CATSPERE: variants seen among roughly 807,000 people sequenced by gnomAD.
CATSPERE encodes cation channel sperm-associated auxiliary subunit epsilon.
In CATSPERE, 93 loss-of-function variants were observed where a neutral mutation model predicts 114.1. The ratio of observed to expected loss-of-function variants is 0.81; its 90% confidence interval spans 0.69 to 0.97. CATSPERE has a LOEUF of 0.97. CATSPERE is among the 50% of genes least tolerant of loss of function. CATSPERE has a pLI of 0.00. For synonymous variants in CATSPERE, 341 were observed against 384.1 expected (o/e 0.89, Z 1.31); for missense variants, 1,058 against 1,131.6 (o/e 0.93, Z 0.93).
At chr1:244,563,098 T>A (rs1572768061) in intron 10 of CATSPERE, among the ~76,000 whole-genome samples, 1 of 152,226 alleles carries the variant, frequency 6.6e-6, no homozygotes, top group Non-Finnish European at 1.5e-5. Context: ...TATTCCATGG[T>A]GTATATGTGC....
intron 6 of CATSPERE, among the ~76,000 whole-genome samples, chr1:244,498,166 T>A (rs949141656): frequency 2.0e-5 from 3 of 152,172 alleles, no homozygotes; most frequent in Non-Finnish European, 2.9e-5. Context: ...CCTCCATAAT[T>A]TAGAATAACA....
intron 6 of CATSPERE, among the ~76,000 whole-genome samples, chr1:244,493,080 A>G (rs1672495562): frequency 6.6e-6 from 1 of 151,310 alleles, no homozygotes; most frequent in East Asian, 1.9e-4. Context: ...TTCTTCACAG[A>G]ATTGGAAAAA....
intron 14 of CATSPERE, among the ~76,000 whole-genome samples, chr1:244,588,859 T>C (rs182740887): frequency 4.6e-5 from 7 of 152,266 alleles, no homozygotes; most frequent in African/African-American, 1.4e-4. Flanking sequence ...CCCAGAAAAA[T>C]AGGAGGGAGA....
At chr1:244,477,799 C>A in intron 3 of CATSPERE, 107 bp from the exon 4 acceptor site, 1 of 990,728 alleles carries the variant, frequency 1.0e-6, no homozygotes, top group Non-Finnish European at 1.5e-6. Context: ...TTAAAAATAT[C>A]TCTTATCAGC....
intron 19 of CATSPERE, among the ~76,000 whole-genome samples, chr1:244,612,101 T>TG (rs1318247714): frequency 6.6e-6 from 1 of 152,130 alleles, no homozygotes; most frequent in Non-Finnish European, 1.5e-5. Flanking sequence ...CGCCAGGCCC[T>TG]GCGTGTTCCA....
intron 21 of CATSPERE, among the ~76,000 whole-genome samples, chr1:244,638,054 A>G (rs541404974): frequency 6.6e-6 from 1 of 152,162 alleles, no homozygotes; most frequent in East Asian, 1.9e-4. Flanking sequence ...CAAATGAATT[A>G]TTCCTTCTCT....
intron 9 of CATSPERE, among the ~76,000 whole-genome samples, chr1:244,553,741 A>T (rs191883883): frequency 6.3e-4 from 95 of 151,954 alleles, no homozygotes; most frequent in Admixed American, 1.7e-3. Flanking sequence ...ACTGTATGTT[A>T]GTTAGATATA....
At chr1:244,505,836 C>G (rs1674737621) in intron 7 of CATSPERE, among the ~76,000 whole-genome samples, 1 of 151,996 alleles carries the variant, frequency 6.6e-6, no homozygotes. Flanking sequence ...GAAAGCCCAT[C>G]TCTACTAAAA....
upstream of CATSPERE, among the ~76,000 whole-genome samples, chr1:244,452,438 T>C (rs1665687695): frequency 6.6e-6 from 1 of 152,180 alleles, no homozygotes; most frequent in Non-Finnish European, 1.5e-5. Context: ...AAGTGTAGAA[T>C]TGGAAATTAA....
At chr1:244,588,592 C>T (rs761881798) in intron 14 of CATSPERE, 58 bp downstream of exon 14, 12 of 1,301,768 alleles carry the variant, frequency 9.2e-6, no homozygotes, top group South Asian at 5.9e-5. Context: ...AAATGGTAAA[C>T]TAAGTGATAA....
intron 6 of CATSPERE, among the ~76,000 whole-genome samples, chr1:244,495,860 A>C (rs1162101131): frequency 1.3e-5 from 2 of 152,234 alleles, no homozygotes; most frequent in South Asian, 4.1e-4. Context: ...ATAAGGGATT[A>C]CCCAGATTTC....
intron 6 of CATSPERE, among the ~76,000 whole-genome samples, chr1:244,494,427 G>T (rs1405421288): frequency 7.8e-6 from 1 of 128,208 alleles, no homozygotes; most frequent in East Asian, 2.4e-4. Flanking sequence ...ACAGGAAGGG[G>T]AACATCCCAC....
At chr1:244,477,484 C>T in intron 2 of CATSPERE, 57 bp from the exon 3 acceptor site, 1 of 939,346 alleles carries the variant, frequency 1.1e-6, no homozygotes. Flanking sequence ...ACAACGGAAC[C>T]CTGAGGTGAA....
At chr1:244,474,744 T>TG (rs1669021207) in intron 2 of CATSPERE, among the ~76,000 whole-genome samples, 1 of 149,888 alleles carries the variant, frequency 6.7e-6, no homozygotes, top group African/African-American at 2.4e-5. Flanking sequence ...CTTCTTTTTT[T>TG]TTTTTTTTTT....
At chr1:244,553,555 T>C (rs1467559313) in intron 9 of CATSPERE, among the ~76,000 whole-genome samples, 1 of 120,828 alleles carries the variant, frequency 8.3e-6, no homozygotes, top group Admixed American at 1.1e-4. Context: ...CACTCCAGCC[T>C]GGGCGACAGA....
At chr1:244,604,853 C>T (rs1329407420) in intron 17 of CATSPERE, among the ~76,000 whole-genome samples, 2 of 152,224 alleles carry the variant, frequency 1.3e-5, no homozygotes, top group East Asian at 3.9e-4. Context: ...TGAAGCACTA[C>T]AGCTCTTTTG....
At chr1:244,502,777 C>T (rs1012245960) in intron 7 of CATSPERE, among the ~76,000 whole-genome samples, 2 of 152,136 alleles carry the variant, frequency 1.3e-5, no homozygotes, top group South Asian at 2.1e-4. Flanking sequence ...CTATCACTGC[C>T]GTGGACCACT....
chr1:244,487,707 G>A (rs1671322951), intron 5 of CATSPERE, among the ~76,000 whole-genome samples: 1 of 152,074 alleles, frequency 6.6e-6, no homozygotes, highest in Non-Finnish European at 1.5e-5. Context: ...GATTAAGGAG[G>A]GGAAGGCTGG....
In CATSPERE at chr1:244,464,511, C is replaced by T. The variant is rs1020074038; in HGVS notation, c.114+555C>T. Among the ~76,000 whole-genome samples, 2 of 152,150 alleles carry T rather than the reference C, an allele frequency of 1.3e-5. 1 individual carries two copies. Among genetic ancestry groups the T allele is most frequent in the Non-Finnish European group, 2.9e-5 (2 of 68,018 alleles). ...TAGGTCCTTTTATGTATCTGTGTAT[C>T]TGTGCAATCATTTTCCTGCTATATG... is the stretch of plus-strand genomic sequence containing the variant. On this transcript the variant is annotated intron_variant, in intron 2 of 21. Transcript: ENST00000366534.
Sources: allele counts gnomAD v4.1 joint callset (sites outside exome capture counted in the v4.1 genomes callset), GRCh38; gene constraint gnomAD v4.1.1; transcripts MANE v1.5; gene names NCBI Gene and HGNC (gene_info 2026-07-23, HGNC 2026-07-21).